The following SGCZ variants were observed in gnomAD, a reference collection of about 807,000 sequenced individuals.
SGCZ encodes the protein zeta-sarcoglycan.
Under a neutral mutation model 41.3 loss-of-function variants are expected in SGCZ, and 40 were observed. That is an observed-to-expected ratio of 0.97 (90% CI 0.75 to 1.26). The LOEUF is 1.26. Ranked by LOEUF, SGCZ falls within the 50% of genes most tolerant of loss-of-function variation. The pLI, the probability that SGCZ is intolerant of heterozygous loss-of-function variation, is 0.00. For synonymous variants in SGCZ, 206 were observed against 137.5 expected, an observed-to-expected ratio of 1.50 and a Z score of -3.49; for missense variants, 552 against 369.8, an observed-to-expected ratio of 1.49 and a Z score of -4.04.
rs565721562 is a variant in SGCZ at position 14,709,054 on chromosome 8, C to A, written c.40-154128G>T. On this transcript the variant is annotated intron_variant, in intron 1 of 7. Coordinates refer to ENST00000382080, the MANE Select transcript of SGCZ (RefSeq NM_139167.4). ...CAGATTCAAAGGCCAAATATTTCAA[C>A]GAAATTATGGTTAACAGTGAAGAAG... 2.4e-4 allele frequency among the ~76,000 whole-genome samples: 37 copies of A among 152,142 alleles called. 1 individual carries two copies. In the South Asian group the frequency reaches 7.7e-3, roughly 32 times the overall value.
At chr8:15,096,171 G>T (rs1002697151) in intron 1 of SGCZ, among the ~76,000 whole-genome samples, 1 of 151,966 alleles carries the variant, frequency 6.6e-6, no homozygotes, top group Non-Finnish European at 1.5e-5. Context: ...TCTACCTCCA[G>T]GTTCAAGCAA....
At chr8:14,785,519 G>A (rs1800741515) in intron 1 of SGCZ, among the ~76,000 whole-genome samples, 1 of 152,038 alleles carries the variant, frequency 6.6e-6, no homozygotes, top group Non-Finnish European at 1.5e-5. Context: ...CAATATAGTT[G>A]CTCTTGAAAC....
intron 1 of SGCZ, among the ~76,000 whole-genome samples, chr8:14,563,861 G>A (rs1804279473): frequency 6.6e-6 from 1 of 151,992 alleles, no homozygotes; most frequent in Non-Finnish European, 1.5e-5. Flanking sequence ...ATTGTATATT[G>A]AAAAATATAA....
intron 1 of SGCZ, among the ~76,000 whole-genome samples, chr8:15,219,991 T>G (rs143259499): frequency 6.6e-6 from 1 of 152,178 alleles, no homozygotes. Context: ...ACATAATTCT[T>G]AAAAATGGTA....
In SGCZ at chr8:14,551,473, T is replaced by TTA. The variant is rs1433818053; in HGVS notation, c.234+3257_234+3258dup. 8.5e-3 allele frequency among the ~76,000 whole-genome samples: 98 copies of TTA among 11,510 alleles called. 5 individuals are homozygous for TTA. The highest frequency in any genetic ancestry group is 9.4e-3 in the Admixed American group (5 of 530). 7.6% of individuals were successfully genotyped at this position (11,510 alleles called of 152,430 possible). On this transcript the variant is annotated intron_variant, in intron 2 of 7. Coordinates refer to ENST00000382080, the MANE Select transcript of SGCZ (RefSeq NM_139167.4). ...ATATATATTATATATATTATATATA[T>TTA]TATATATTATATATATTATATATAT... is the stretch of plus-strand genomic sequence containing the variant.
intron 1 of SGCZ, among the ~76,000 whole-genome samples, chr8:14,783,777 A>G (rs1186682046): frequency 6.6e-6 from 1 of 152,136 alleles, no homozygotes; most frequent in African/African-American, 2.4e-5. Flanking sequence ...TGGCAATCTG[A>G]AAGTTTTTTT....
chr8:15,210,266 T>C (rs1328789811), intron 1 of SGCZ, among the ~76,000 whole-genome samples: 1 of 152,262 alleles, frequency 6.6e-6, no homozygotes, highest in Middle Eastern at 3.4e-3. Context: ...TAGCCACTTT[T>C]AGATGGATTT....
At chr8:14,895,992 G>C (rs945646555) in intron 1 of SGCZ, among the ~76,000 whole-genome samples, 1 of 152,160 alleles carries the variant, frequency 6.6e-6, no homozygotes, top group African/African-American at 2.4e-5. Flanking sequence ...ACACTACCTG[G>C]TAAGGCAAAC....
At chr8:14,918,245 GAGTATCTA>G (rs1471948408) in intron 1 of SGCZ, among the ~76,000 whole-genome samples, 1 of 152,116 alleles carries the variant, frequency 6.6e-6, no homozygotes, top group Non-Finnish European at 1.5e-5. Flanking sequence ...TATAGCAGCA[GAGTATCTA>G]TATTACCATG....
At chr8:14,125,330 C>G (rs191543637) in intron 5 of SGCZ, among the ~76,000 whole-genome samples, 15 of 151,834 alleles carry the variant, frequency 9.9e-5, no homozygotes, top group Non-Finnish European at 1.8e-4. Context: ...GGTGAAACCC[C>G]GTCTTTACTA....
At chr8:14,716,940 A>G (rs2249645) in intron 1 of SGCZ, among the ~76,000 whole-genome samples, 124,646 of 151,896 alleles carry the variant, frequency 0.82, 51,521 homozygotes, top group African/African-American at 0.94. Context: ...ATTATATTTC[A>G]TCTTATTAAT....
intron 1 of SGCZ, among the ~76,000 whole-genome samples, chr8:14,828,781 T>A (rs1178597435): frequency 6.6e-6 from 1 of 152,130 alleles, no homozygotes; most frequent in Non-Finnish European, 1.5e-5. Context: ...AATCATCAAC[T>A]AAAGCTTTAG....
chr8:14,580,351 C>A (rs919272380), intron 1 of SGCZ, among the ~76,000 whole-genome samples: 2 of 152,066 alleles, frequency 1.3e-5, no homozygotes, highest in Non-Finnish European at 2.9e-5. Context: ...TTTCAAGAAA[C>A]CATTTTTGAA....
chr8:14,841,336 G>A (rs890523011), intron 1 of SGCZ, among the ~76,000 whole-genome samples: 18 of 151,982 alleles, frequency 1.2e-4, no homozygotes, highest in African/African-American at 3.9e-4. Flanking sequence ...TAAATAGGCA[G>A]TTTCAAAAGG....
At chr8:14,893,157 G>A (rs1805077968) in intron 1 of SGCZ, among the ~76,000 whole-genome samples, 1 of 152,138 alleles carries the variant, frequency 6.6e-6, no homozygotes, top group South Asian at 2.1e-4. Context: ...CCTGAGAAGT[G>A]AAGAATCTTT....
intron 1 of SGCZ, among the ~76,000 whole-genome samples, chr8:14,817,548 A>T (rs1163930145): frequency 6.6e-6 from 1 of 152,146 alleles, no homozygotes; most frequent in East Asian, 1.9e-4. Flanking sequence ...TTTCAACTGA[A>T]TTCCCATTCC....
chr8:14,372,351 C>T (rs1022095017), intron 2 of SGCZ, among the ~76,000 whole-genome samples: 2 of 152,120 alleles, frequency 1.3e-5, no homozygotes, highest in Non-Finnish European at 2.9e-5. Context: ...AAAATAATTC[C>T]ATCATTCATT....
At chr8:14,371,940 A>G (rs1803926715) in intron 2 of SGCZ, among the ~76,000 whole-genome samples, 2 of 152,158 alleles carry the variant, frequency 1.3e-5, no homozygotes, top group Non-Finnish European at 2.9e-5. Flanking sequence ...CTAGAGATCA[A>G]TATGGGCTGA....
intron 1 of SGCZ, among the ~76,000 whole-genome samples, chr8:15,120,727 A>G (rs543424183): frequency 2.1e-4 from 32 of 152,272 alleles, no homozygotes; most frequent in African/African-American, 4.8e-4. Flanking sequence ...CAAAGCTATT[A>G]TCTCTTTTAT....
Sources: gnomAD v4.1 joint callset for allele counts (sites outside exome capture counted in the v4.1 genomes callset) on GRCh38, gnomAD v4.1.1 for gene constraint, MANE v1.5 for transcripts, NCBI Gene and HGNC (gene_info 2026-07-23, HGNC 2026-07-21) for gene names.